Variants in MAP3K1 observed in about 807,000 individuals in gnomAD.
The protein encoded by MAP3K1 is MAP/ERK kinase kinase 1.
MAP3K1 carries 36 observed loss-of-function variants against 144.2 expected under a neutral mutation model. That is an observed-to-expected ratio of 0.25 (90% confidence interval 0.19 to 0.33). The LOEUF (loss-of-function observed/expected upper bound fraction) is 0.33. Ranked by LOEUF, MAP3K1 falls within the 10% of genes least tolerant of loss-of-function variation. MAP3K1 has a pLI of 1.00. For synonymous variants in MAP3K1, 718 were observed against 688.7 expected, an observed-to-expected ratio of 1.04 and a Z score of -0.67; for missense variants, 1,650 against 1,881.9, an observed-to-expected ratio of 0.88 and a Z score of 2.28.
intron 10 of MAP3K1, among the ~76,000 whole-genome samples, chr5:56,876,063 CAAG>C (rs956009834): frequency 5.9e-5 from 9 of 151,534 alleles, no homozygotes; most frequent in South Asian, 2.1e-4. Context: ...AATAGAGTGA[CAAG>C]GAGGTAATTT....
At chr5:56,831,529 C>T (rs1192589409) in intron 1 of MAP3K1, among the ~76,000 whole-genome samples, 1 of 152,034 alleles carries the variant, frequency 6.6e-6, no homozygotes, top group Non-Finnish European at 1.5e-5. Flanking sequence ...TTTAATCAGA[C>T]CAACTATCAG....
At chr5:56,868,650 C>T (rs1343547815) in intron 6 of MAP3K1, among the ~76,000 whole-genome samples, 1 of 152,192 alleles carries the variant, frequency 6.6e-6, no homozygotes, top group Non-Finnish European at 1.5e-5. Context: ...TCCCAAAGTG[C>T]TGGGATTACA....
intron 1 of MAP3K1, among the ~76,000 whole-genome samples, chr5:56,818,601 A>G (rs986324892): frequency 7.2e-5 from 11 of 152,180 alleles, no homozygotes; most frequent in African/African-American, 2.7e-4. Context: ...AGTGCCTGTA[A>G]GTGGCGCCCA....
chr5:56,865,721 A>G, intron 5 of MAP3K1, 108 bp from the exon 6 acceptor site: 1 of 1,235,196 alleles, frequency 8.1e-7, no homozygotes, highest in Non-Finnish European at 1.2e-6. Context: ...TCTTAAATCA[A>G]CTTTATGAAA....
At chr5:56,827,039 C>G (rs1028912263) in intron 1 of MAP3K1, among the ~76,000 whole-genome samples, 1 of 152,142 alleles carries the variant, frequency 6.6e-6, no homozygotes, top group Non-Finnish European at 1.5e-5. Flanking sequence ...GAGGAATGAA[C>G]CAGGTGAAAG....
At chr5:56,883,147 C>T (rs1229275271) in intron 14 of MAP3K1, among the ~76,000 whole-genome samples, 4 of 152,202 alleles carry the variant, frequency 2.6e-5, no homozygotes, top group Non-Finnish European at 5.9e-5. Context: ...GCTGTGATTA[C>T]ACCATTGTAC....
intron 1 of MAP3K1, among the ~76,000 whole-genome samples, chr5:56,833,671 T>C (rs1361764161): frequency 6.6e-6 from 1 of 152,170 alleles, no homozygotes; most frequent in Non-Finnish European, 1.5e-5. Context: ...GGAAAGCTGG[T>C]TTTCATTTCC....
At chr5:56,893,405 C>T in intron 19 of MAP3K1, 126 bp from the exon 20 acceptor site, 1 of 984,668 alleles carries the variant, frequency 1.0e-6, no homozygotes, top group South Asian at 1.4e-5. Context: ...AGAAAATCCT[C>T]CCACTTCTGC....
chr5:56,881,264 T>G lies in MAP3K1; in HGVS notation c.2361T>G (p.Val787=). 6.2e-7 allele frequency: 1 copy of G among 1,612,918 alleles called. No individual in the cohort carries two copies. Among genetic ancestry groups the G allele is most frequent in the South Asian group, 1.1e-5 (1 of 91,066 alleles). Residue 787 remains valine, a synonymous_variant, in exon 13 of 20, where the codon GTT becomes GTG. Coordinates refer to ENST00000399503, the MANE Select transcript of MAP3K1 (RefSeq NM_005921.2). ...CTGATGTTTCACAAGCTGAGCCTGT[T>G]GAAATCAGGTAATTTTTCTTCTGAA... is the stretch of plus-strand genomic sequence containing the variant. The part of the protein sequence containing the change: ...VSTDVSQAEP[V]EIRYKKLLSL...
rs146518973 is a variant in MAP3K1, at chr5:56,840,024, C to A, written c.483-16576C>A. Among the ~76,000 whole-genome samples the A allele has an allele frequency of 2.3e-3, 351 of 152,336 alleles. 2 individuals are homozygous for A. The highest frequency in any genetic ancestry group is 7.9e-3 in the African/African-American group (329 of 41,586). On this transcript the variant is annotated intron_variant, in intron 1 of 19. Transcript: ENST00000399503. ...TGTGACCAGAAATATGCCATAGAAACTTTCCCACTTGTTTACATCAATTGG... is the reference window on the plus strand; with the variant it reads ...TGTGACCAGAAATATGCCATAGAAAATTTCCCACTTGTTTACATCAATTGG...
rs770569064 is a variant in MAP3K1 at position 56,893,647 on chromosome 5, A to G, written c.4506A>G (p.Leu1502=). 2.5e-6 allele frequency: 4 copies of G among 1,614,008 alleles called. No homozygotes were observed. Among genetic ancestry groups the G allele is most frequent in the East Asian group, 4.5e-5 (2 of 44,880 alleles). Residue 1502 remains leucine (L), a synonymous_variant, in exon 20 of 20, where the codon CTA becomes CTG. Coordinates refer to ENST00000399503, the MANE Select transcript of MAP3K1 (RefSeq NM_005921.2). ...QPQDRPPSRE[L]LKHPVFRTTW ...AGGACAGACCTCCATCAAGAGAGCT[A>G]CTGAAGCATCCAGTCTTTCGTACTA...
chr5:56,815,624 C>T lies in MAP3K1; in HGVS notation c.51C>T (p.Ala17=), dbSNP rs1255660070. The T allele has an allele frequency of 1.5e-6, 2 of 1,313,182 alleles. No homozygotes were observed. The highest frequency in any genetic ancestry group is 3.1e-5 in the African/African-American group (2 of 64,830). The allele number at this position is 1,313,182 out of a possible 1,614,324, so 81.3% of individuals were successfully genotyped here. Residue 17 remains alanine, a synonymous_variant, in exon 1 of 20, where the codon GCC becomes GCT. Coordinates refer to ENST00000399503, the MANE Select transcript of MAP3K1 (RefSeq NM_005921.2). The part of the protein sequence containing the change: ...NRASSSGFPG[A]RATSPEAGGG... The stretch of plus-strand genomic sequence containing the variant: ...CCTCGTCGTCGGGATTCCCGGGCGC[C>T]AGGGCTACGAGCCCTGAGGCAGGCG...
At chr5:56,826,866 G>A (rs1746332362) in intron 1 of MAP3K1, among the ~76,000 whole-genome samples, 1 of 152,242 alleles carries the variant, frequency 6.6e-6, no homozygotes, top group South Asian at 2.1e-4. Flanking sequence ...AGGCACCAAG[G>A]TGCTGGGGAC....
chr5:56,848,154 C>T (rs1747055424), intron 1 of MAP3K1, among the ~76,000 whole-genome samples: 1 of 151,548 alleles, frequency 6.6e-6, no homozygotes. Context: ...TTGATACTGA[C>T]TAGTAGCTCT....
intron 1 of MAP3K1, among the ~76,000 whole-genome samples, chr5:56,831,402 G>C (rs1746488007): frequency 6.6e-6 from 1 of 152,056 alleles, no homozygotes; most frequent in African/African-American, 2.4e-5. Context: ...ACCTAATCAG[G>C]CTTCTTTCTA....
intron 3 of MAP3K1, among the ~76,000 whole-genome samples, chr5:56,860,619 G>A (rs752844989): frequency 2.0e-5 from 3 of 152,130 alleles, no homozygotes; most frequent in South Asian, 2.1e-4. Context: ...TTGGGAGGGC[G>A]AAGTGGGCGG....
chr5:56,895,975 A>C lies in MAP3K1; in HGVS notation c.*2295A>C, dbSNP rs1292340526. 3.9e-5 allele frequency: 6 copies of C among 154,618 alleles called. No homozygotes were observed. The highest frequency in any genetic ancestry group is 7.4e-5 in the Non-Finnish European group (6 of 80,612). The allele number at this position is 154,618 out of a possible 1,614,324, so 9.6% of individuals were successfully genotyped here. ...GCACCTTACTGTGTAAGCAAATGTT[A>C]CAAAAAAAAAAAAAAAAAATCTCTG... On this transcript the variant is annotated 3_prime_UTR_variant, in exon 20 of 20. Coordinates refer to ENST00000399503, the MANE Select transcript of MAP3K1 (RefSeq NM_005921.2).
chr5:56,885,464 C>CT (rs1748352839), intron 16 of MAP3K1, among the ~76,000 whole-genome samples: 2 of 152,186 alleles, frequency 1.3e-5, no homozygotes, highest in Admixed American at 6.5e-5. Flanking sequence ...ACTATAAACA[C>CT]TTTTAAAAGC....
At chr5:56,816,460 G>A (rs1392202557) in intron 1 of MAP3K1, among the ~76,000 whole-genome samples, 1 of 152,084 alleles carries the variant, frequency 6.6e-6, no homozygotes, top group African/African-American at 2.4e-5. Flanking sequence ...AGGCACTGGG[G>A]GGCGAGGCCC....
Sources: allele counts gnomAD v4.1 joint callset (sites outside exome capture counted in the v4.1 genomes callset), GRCh38; gene constraint gnomAD v4.1.1; transcripts MANE v1.5; gene names NCBI Gene and HGNC (gene_info 2026-07-23, HGNC 2026-07-21).